PRSS27: variants seen among roughly 807,000 people sequenced by gnomAD.
The protein encoded by PRSS27 is channel-activating protease 2.
In PRSS27, 25 loss-of-function variants were observed where a neutral mutation model predicts 32.0. That is an observed-to-expected ratio of 0.78 (90% CI 0.57 to 1.09). PRSS27 has a LOEUF of 1.09. Among genes scored for constraint, PRSS27 ranks in the 50% least tolerant of loss-of-function variants. The pLI is 0.00. For missense variants in PRSS27, 401 were observed against 394.9 expected (o/e 1.02, Z -0.13); for synonymous variants, 178 against 172.2 (o/e 1.03, Z -0.26).
rs140654864 is a variant in PRSS27, at chr16:2,713,994, G to C, written c.508+71C>G. ...TAGCAACAGGAAGATTGTGGGTTCAGAGTGGTCCCCAAGCCGTCCTGGGCC... is the reference window on the plus strand; with the variant it reads ...TAGCAACAGGAAGATTGTGGGTTCACAGTGGTCCCCAAGCCGTCCTGGGCC... On this transcript the variant is annotated intron_variant, in intron 4 of 5. Transcript: ENST00000302641. The C allele has an allele frequency of 9.2e-4, 1,358 of 1,476,400 alleles. 14 individuals carry two copies. In the African/African-American group the frequency reaches 0.018, roughly 19 times the overall value. The allele number at this position is 1,476,400 out of a possible 1,614,324, so 91.5% of individuals were successfully genotyped here.
Position 2,717,670 on chromosome 16 carries a change from G to C in PRSS27, c.47-1144C>G, listed in dbSNP as rs1181197462. 6.6e-6 allele frequency: 1 copy of C among 152,268 alleles called. No individual in the cohort carries two copies. Among genetic ancestry groups the C allele is most frequent in the Non-Finnish European group, 1.5e-5 (1 of 68,124 alleles). 9.4% of individuals were successfully genotyped at this position (152,268 alleles called of 1,614,324 possible). ...TCACTCTGCCCGGAAAAGATAACCAGTCCCCTGGAGTTGAGGGGCTGTGGG... is the reference window on the plus strand; with the variant it reads ...TCACTCTGCCCGGAAAAGATAACCACTCCCCTGGAGTTGAGGGGCTGTGGG... On this transcript the variant is annotated intron_variant, in intron 1 of 5. Transcript: ENST00000302641. This position sits in a 1 kb window ranked among gnomAD's most constrained non-coding sequence, Gnocchi z 4.1.
rs368642008 is a variant in PRSS27, at chr16:2,714,198, C to T, written c.375G>A (p.Val125=). Residue 125 remains valine (V), a synonymous_variant, in exon 4 of 6, where the codon GTG becomes GTA. Transcript: ENST00000302641. The surrounding 1 kb of genome is among the most constrained non-coding windows in gnomAD (Gnocchi z 4.7). ...LYQGTASSAD[V]ALVELEAPVP... ...CTGGTGCCTCCAGCTCCACCAGGGCCACGTCAGCGCTGGAGGCCGTGCCCT... is the reference window on the plus strand; with the variant it reads ...CTGGTGCCTCCAGCTCCACCAGGGCTACGTCAGCGCTGGAGGCCGTGCCCT... 1 of 1,613,938 alleles carries T rather than the reference C, an allele frequency of 6.2e-7. No homozygotes were observed. Among genetic ancestry groups the T allele is most frequent in the South Asian group, 1.1e-5 (1 of 91,088 alleles).
chr16:2,712,454 CAT>C lies in PRSS27; in HGVS notation c.*164_*165del. On this transcript the variant is annotated 3_prime_UTR_variant, in exon 6 of 6. Coordinates refer to ENST00000302641, the MANE Select transcript of PRSS27 (RefSeq NM_031948.5). This position sits in a 1 kb window ranked among gnomAD's most constrained non-coding sequence, Gnocchi z 4.6. ...CAGGCTGGGTTTTTATTGGGAGAAA[CAT>C]AAATAAAATAAGGGTATTTGAGAGG... 1 of 629,652 alleles carries C rather than the reference CAT, an allele frequency of 1.6e-6. No individual in the cohort carries two copies. Among genetic ancestry groups the C allele is most frequent in the East Asian group, 3.2e-5 (1 of 31,742 alleles). 39.0% of individuals were successfully genotyped at this position (629,652 alleles called of 1,614,324 possible). A position where few individuals can be genotyped will look rare whatever the true frequency, so the allele number is the denominator to read the frequency against.
In PRSS27 at chr16:2,717,281, A is replaced by G. The variant is rs1054854487; in HGVS notation, c.47-755T>C. The G allele has an allele frequency of 3.3e-5, 5 of 152,322 alleles. No individual in the cohort carries two copies. The highest frequency in any genetic ancestry group is 2.6e-4 in the Admixed American group (4 of 15,278). 9.4% of individuals were successfully genotyped at this position (152,322 alleles called of 1,614,324 possible). On this transcript the variant is annotated intron_variant, in intron 1 of 5. Coordinates refer to ENST00000302641, the MANE Select transcript of PRSS27 (RefSeq NM_031948.5). This position sits in a 1 kb window ranked among gnomAD's most constrained non-coding sequence, Gnocchi z 4.1. ...GTGAGGGGCCCGGAAGAGAAGCAAG[A>G]TATGGGGTCGTTCGGGGGAACCAAG...
At chr16:2,713,486 G>C (rs1404080520) in intron 5 of PRSS27, 43 bp downstream of exon 5, 3 of 1,599,990 alleles carry the variant, frequency 1.9e-6, no homozygotes, top group Admixed American at 3.3e-5. Context: ...CCCTGGGCCT[G>C]GCGGTGGGGA....
rs898209569 is a variant in PRSS27 at position 2,714,932 on chromosome 16, T to G, written c.237-596A>C. On this transcript the variant is annotated intron_variant, in intron 3 of 5. Coordinates refer to ENST00000302641, the MANE Select transcript of PRSS27 (RefSeq NM_031948.5). The surrounding 1 kb of genome is among the most constrained non-coding windows in gnomAD (Gnocchi z 4.7). ...GTTTGTTTGTTTTTTGTTTTTTAAT[T>G]TTTTTTTATTTTTAGTAGAGACAGG... 2 of 153,024 alleles carry G rather than the reference T, an allele frequency of 1.3e-5. No individual in the cohort carries two copies. The highest frequency in any genetic ancestry group is 4.9e-5 in the African/African-American group (2 of 40,530). The allele number at this position is 153,024 out of a possible 1,614,324, so 9.5% of individuals were successfully genotyped here.
chr16:2,713,729 A>G (rs756353550), intron 4 of PRSS27, 31 bp from the exon 5 acceptor site: 4 of 1,608,820 alleles, frequency 2.5e-6, no homozygotes, highest in African/African-American at 1.3e-5. Flanking sequence ...CCAGGGCTCA[A>G]CGGACTTCCT....
rs59027602 is a variant in PRSS27, at chr16:2,716,841, T to C, written c.47-315A>G. ...TGTCCCCTTCTCATCCTGGAAAGGG[T>C]CCTCTCCCTCCACACTCCACACCCA... On this transcript the variant is annotated intron_variant, in intron 1 of 5. Transcript: ENST00000302641. The C allele has an allele frequency of 1.8e-4, 80 of 451,244 alleles. No individual in the cohort carries two copies. In the East Asian group the frequency reaches 2.7e-3, roughly 15 times the overall value. The allele number at this position is 451,244 out of a possible 1,614,324, so 28.0% of individuals were successfully genotyped here.
At chr16:2,719,996 G>GGCCTGTCCCACAGCCCCA (rs2067725275) in intron 1 of PRSS27, 119 bp downstream of exon 1, 1 of 941,572 alleles carries the variant, frequency 1.1e-6, no homozygotes, top group Admixed American at 2.4e-5. Flanking sequence ...GAGGGATGAT[G>GGCCTGTCCCACAGCCCCA]GCCTGTCCCA....
chr16:2,714,275 G>C lies in PRSS27; in HGVS notation c.298C>G (p.Pro100Ala). Residue 100 changes from proline (P) to alanine (A), a missense_variant, in exon 4 of 6, where the codon CCA becomes GCA. Coordinates refer to ENST00000302641, the MANE Select transcript of PRSS27 (RefSeq NM_031948.5). This position sits in a 1 kb window ranked among gnomAD's most constrained non-coding sequence, Gnocchi z 4.7. ...CTCACCCGGGCATACATAGCGTGTGGTCCCGGCTGCACTAGCTGCCTTGCC... is the reference window on the plus strand; with the variant it reads ...CTCACCCGGGCATACATAGCGTGTGCTCCCGGCTGCACTAGCTGCCTTGCC... ...LGARQLVQPGPHAMYARVRQV... is the reference protein window; with the variant it reads ...LGARQLVQPGAHAMYARVRQV... The C allele has an allele frequency of 6.2e-7, 1 of 1,613,496 alleles. No individual in the cohort carries two copies. Among genetic ancestry groups the C allele is most frequent in the Non-Finnish European group, 8.5e-7 (1 of 1,179,902 alleles).
At chr16:2,713,921 C>T (rs2067682844) in intron 4 of PRSS27, 144 bp downstream of exon 4, 3 of 1,054,166 alleles carry the variant, frequency 2.8e-6, no homozygotes, top group South Asian at 3.0e-5. Context: ...TGCTGCTGCT[C>T]CCCTCGGCCC....
chr16:2,713,838 C>G (rs2142065105), intron 4 of PRSS27, 140 bp from the exon 5 acceptor site: 1 of 1,041,046 alleles, frequency 9.6e-7, no homozygotes, highest in East Asian at 2.6e-5. Context: ...GGGCAGACAT[C>G]CTCCCTCCTT....
chr16:2,712,557 G>C lies in PRSS27; in HGVS notation c.*63C>G. On this transcript the variant is annotated 3_prime_UTR_variant, in exon 6 of 6. Coordinates refer to ENST00000302641, the MANE Select transcript of PRSS27 (RefSeq NM_031948.5). The surrounding 1 kb of genome is among the most constrained non-coding windows in gnomAD (Gnocchi z 4.6). ...ACAGCAGCGCTGGGAGGACCAGCAGGATGGTGTGGGCGGGCAGGCTGGGTG... is the reference window on the plus strand; with the variant it reads ...ACAGCAGCGCTGGGAGGACCAGCAGCATGGTGTGGGCGGGCAGGCTGGGTG... 7.0e-7 allele frequency: 1 copy of C among 1,427,398 alleles called. No homozygotes were observed. Among genetic ancestry groups the C allele is most frequent in the African/African-American group, 1.4e-5 (1 of 69,576 alleles). The allele number at this position is 1,427,398 out of a possible 1,614,324, so 88.4% of individuals were successfully genotyped here. A position where few individuals can be genotyped will look rare whatever the true frequency, so the allele number is the denominator to read the frequency against.
In PRSS27 at chr16:2,714,055, G is replaced by A. The variant is rs1230594409; in HGVS notation, c.508+10C>T. 5.6e-6 allele frequency: 9 copies of A among 1,598,958 alleles called. No individual in the cohort carries two copies. Among genetic ancestry groups the A allele is most frequent in the Non-Finnish European group, 7.7e-6 (9 of 1,171,168 alleles). On this transcript the variant is annotated intron_variant, in intron 4 of 5. Transcript: ENST00000302641. The surrounding 1 kb of genome is among the most constrained non-coding windows in gnomAD (Gnocchi z 4.7). ...ATATCCCCCATTCTTTCCCAGCCCT[G>A]TCCCCTTACCTTCCTCACTGGGGCT...
At position 2,714,443 on chromosome 16, in the gene PRSS27, G is replaced by T; in HGVS notation, c.237-107C>A. Reference sequence around the variant, plus strand: ...ACCACCGTGCCCCACACCTCTCTCTGCACAATGTCTTCGAGAGTCATCTCT... The same window carrying T: ...ACCACCGTGCCCCACACCTCTCTCTTCACAATGTCTTCGAGAGTCATCTCT... On this transcript the variant is annotated intron_variant, in intron 3 of 5. Coordinates refer to ENST00000302641, the MANE Select transcript of PRSS27 (RefSeq NM_031948.5). This position sits in a 1 kb window ranked among gnomAD's most constrained non-coding sequence, Gnocchi z 4.7. 1 of 1,269,336 alleles carries T rather than the reference G, an allele frequency of 7.9e-7. No homozygotes were observed. The highest frequency in any genetic ancestry group is 1.1e-6 in the Non-Finnish European group (1 of 904,106). The allele number at this position is 1,269,336 out of a possible 1,614,324, so 78.6% of individuals were successfully genotyped here.
At position 2,712,572 on chromosome 16, in the gene PRSS27, C is replaced by G. The variant is rs368150205; in HGVS notation, c.*48G>C. 1 of 1,505,368 alleles carries G rather than the reference C, an allele frequency of 6.6e-7. No homozygotes were observed. Among genetic ancestry groups the G allele is most frequent in the Non-Finnish European group, 9.0e-7 (1 of 1,113,510 alleles). The allele number at this position is 1,505,368 out of a possible 1,614,324, so 93.3% of individuals were successfully genotyped here. A position where few individuals can be genotyped will look rare whatever the true frequency, so the allele number is the denominator to read the frequency against. On this transcript the variant is annotated 3_prime_UTR_variant, in exon 6 of 6. Coordinates refer to ENST00000302641, the MANE Select transcript of PRSS27 (RefSeq NM_031948.5). The surrounding 1 kb of genome is among the most constrained non-coding windows in gnomAD (Gnocchi z 4.6). ...GGACCAGCAGGATGGTGTGGGCGGG[C>G]AGGCTGGGTGCAGAGCTCTGCTCAA...
intron 5 of PRSS27, 150 bp downstream of exon 5, chr16:2,713,379 T>C (rs2067677704): frequency 2.4e-6 from 2 of 833,256 alleles, no homozygotes; most frequent in South Asian, 1.4e-5. Context: ...ATTACAGGCG[T>C]GAGCCACCAC....
chr16:2,715,915 C>A (rs575586989), intron 2 of PRSS27, 35 bp from the exon 3 acceptor site: 1 of 1,517,096 alleles, frequency 6.6e-7, no homozygotes, highest in African/African-American at 1.4e-5. Context: ...GGGGCGCTCA[C>A]TGGGGCTGGT....
At position 2,714,195 on chromosome 16, in the gene PRSS27, G is replaced by A; in HGVS notation, c.378C>T (p.Ala126=). Residue 126 remains alanine, a synonymous_variant, in exon 4 of 6, where the codon GCC becomes GCT. Transcript: ENST00000302641. This position sits in a 1 kb window ranked among gnomAD's most constrained non-coding sequence, Gnocchi z 4.7. ...GCACTGGTGCCTCCAGCTCCACCAG[G>A]GCCACGTCAGCGCTGGAGGCCGTGC... is the stretch of plus-strand genomic sequence containing the variant. ...YQGTASSADV[A]LVELEAPVPF... is the part of the protein sequence containing the mutation. 1.2e-6 allele frequency: 2 copies of A among 1,614,036 alleles called. No homozygotes were observed. The highest frequency in any genetic ancestry group is 1.7e-6 in the Non-Finnish European group (2 of 1,180,030).
Sources: gnomAD v4.1 joint callset for allele counts on GRCh38, gnomAD v4.1.1 for gene constraint, Gnocchi (gnomAD v3.1) non-coding constraint, MANE v1.5 for transcripts, NCBI Gene and HGNC (gene_info 2026-07-23, HGNC 2026-07-21) for gene names.